Variants in GAGE12J observed in about 807,000 individuals in gnomAD.
The protein encoded by GAGE12J is G antigen 12J, also known as G antigen 11.
A neutral mutation model predicts 8.5 loss-of-function variants in GAGE12J; 5 were observed. The observed-to-expected ratio is 0.59, with a 90% CI of 0.31 to 1.24. The LOEUF (loss-of-function observed/expected upper bound fraction) is 1.24, where lower values mean the gene tolerates loss of function less well. GAGE12J is among the 50% of genes most tolerant of loss of function. The probability of loss-of-function intolerance (pLI) is 0.06; values close to 1 mark genes in which losing one functional copy is unlikely to be tolerated. For synonymous variants in GAGE12J, 10 were observed against 19.2 expected (o/e 0.52, Z 1.25); for missense variants, 26 against 63.0 (o/e 0.41, Z 1.99).
At position 49,328,126 on chromosome X, in the gene GAGE12J, C is replaced by G. The variant is rs1438333384; in HGVS notation, c.332-1145C>G. Among the ~76,000 whole-genome samples, 9 of 75,291 alleles carry G rather than the reference C, an allele frequency of 1.2e-4. 3 individuals are homozygous for G. In the Admixed American group the frequency reaches 1.3e-3, roughly 11 times the overall value. The allele number at this position is 75,291 out of a possible 115,157, so 65.4% of individuals were successfully genotyped here. A position where few individuals can be genotyped will look rare whatever the true frequency, so the allele number is the denominator to read the frequency against. On this transcript the variant is annotated intron_variant, in intron 4 of 4. Coordinates refer to ENST00000442437, the MANE Select transcript of GAGE12J (RefSeq NM_001098406.4). ...ATTTATTTATTTATTTATTGTTATA[C>G]TTTAAGTTTTAGGGTACATGTGCAC...
At chrX:49,322,664 A>AG (rs782653640) in intron 1 of GAGE12J, among the ~76,000 whole-genome samples, 8 of 85,448 alleles carry the variant, frequency 9.4e-5, no homozygotes, top group East Asian at 7.5e-4. Flanking sequence ...ACTTGTTGTG[A>AG]GGGGGGGTGA....
Position 49,323,213 on chromosome X carries a change from C to A in GAGE12J, c.20C>A (p.Ser7Ter), listed in dbSNP as rs782497211. Residue 7 changes from serine to a stop codon, truncating the protein, a stop_gained, in exon 2 of 5, where the codon TCG becomes TAG. Transcript: ENST00000442437. LOFTEE classifies it high-confidence loss of function. ...TGAAATATGAGTTGGCGAGGAAGAT[C>A]GACCTATTATTGGCCTAGACCAAGA... is the stretch of plus-strand genomic sequence containing the variant. MSWRGR[S>*]TYYWPRPRPY... is the part of the protein sequence containing the mutation. 2 of 1,135,658 alleles carry A rather than the reference C, an allele frequency of 1.8e-6. No individual in the cohort carries two copies. The highest frequency in any genetic ancestry group is 1.8e-5 in the African/African-American group (1 of 55,794). 93.6% of individuals were successfully genotyped at this position (1,135,658 alleles called of 1,213,427 possible).
intron 3 of GAGE12J, among the ~76,000 whole-genome samples, chrX:49,325,657 A>G (rs1158520937): frequency 3.8e-5 from 3 of 79,559 alleles, no homozygotes; most frequent in Non-Finnish European, 9.6e-5. Context: ...AGTTTCAGGT[A>G]TTATGGTCCT....
At chrX:49,323,308 C>A (rs782602552) in intron 2 of GAGE12J, 31 bp downstream of exon 2, 2 of 1,114,505 alleles carry the variant, frequency 1.8e-6, no homozygotes, top group African/African-American at 3.6e-5. Flanking sequence ...TCGATGTTTT[C>A]TATTAGTAGA....
intron 3 of GAGE12J, 80 bp downstream of exon 3, chrX:49,323,943 TG>T: frequency 4.4e-6 from 5 of 1,144,148 alleles, no homozygotes; most frequent in Non-Finnish European, 5.9e-6. Context: ...TGTGTGTGTG[TG>T]TGTGTGTGTG....
At chrX:49,325,630 C>G (rs12400515) in intron 3 of GAGE12J, among the ~76,000 whole-genome samples, 37 of 79,778 alleles carry the variant, frequency 4.6e-4, no homozygotes, top group African/African-American at 1.0e-3. Context: ...GTTATTAATG[C>G]TGAATTGTCT....
intron 1 of GAGE12J, among the ~76,000 whole-genome samples, chrX:49,322,351 G>T (rs1471286062): frequency 9.4e-6 from 1 of 106,817 alleles, no homozygotes; most frequent in African/African-American, 3.3e-5. Flanking sequence ...GGTGGGCCGT[G>T]GAGGGGAGGC....
intron 4 of GAGE12J, among the ~76,000 whole-genome samples, chrX:49,327,682 C>T (rs1488247983): frequency 7.7e-4 from 1 of 1,291 alleles, no homozygotes; most frequent in African/African-American, 9.2e-4. Context: ...AATCATGAAA[C>T]CCTGGCCCGA....
In GAGE12J at chrX:49,322,515, G is replaced by C. The variant is rs1394651371; in HGVS notation, c.-9+371G>C. Among the ~76,000 whole-genome samples the C allele has an allele frequency of 2.9e-5, 3 of 102,930 alleles. No individual in the cohort carries two copies. The East Asian group carries it at 9.0e-4, about 31-fold the overall frequency. 89.4% of individuals were successfully genotyped at this position (102,930 alleles called of 115,157 possible). Reference sequence around the variant, plus strand: ...GAAGAAGGGGCCTGGCACCTGGGAAGGCTGCGGCCTGGTGAGCGCCCCCCC... The same window carrying C: ...GAAGAAGGGGCCTGGCACCTGGGAACGCTGCGGCCTGGTGAGCGCCCCCCC... On this transcript the variant is annotated intron_variant, in intron 1 of 4. Transcript: ENST00000442437.
chrX:49,328,356 T>C (rs2066452603), intron 4 of GAGE12J, among the ~76,000 whole-genome samples: 5 of 54,581 alleles, frequency 9.2e-5, no homozygotes, highest in Admixed American at 2.5e-4. Flanking sequence ...GAATATGCGG[T>C]GTTTGGTTTT....
chrX:49,325,453 CAT>C (rs2066440905), intron 3 of GAGE12J, among the ~76,000 whole-genome samples: 2 of 104,371 alleles, frequency 1.9e-5, no homozygotes, highest in Non-Finnish European at 4.1e-5. Flanking sequence ...ATCTTCAAGA[CAT>C]AGCATTCATA....
intron 1 of GAGE12J, among the ~76,000 whole-genome samples, chrX:49,322,504 G>A (rs1286101904): frequency 9.6e-6 from 1 of 104,175 alleles, no homozygotes; most frequent in African/African-American, 3.3e-5. Flanking sequence ...AAGGGGCCTG[G>A]CACCTGGGAA....
intron 4 of GAGE12J, among the ~76,000 whole-genome samples, chrX:49,328,468 T>C (rs2066453116): frequency 1.2e-5 from 1 of 81,265 alleles, no homozygotes; most frequent in African/African-American, 3.7e-5. Flanking sequence ...TAGTATTCCA[T>C]GGTGTATATG....
At chrX:49,322,565 T>G (rs4239986) in intron 1 of GAGE12J, among the ~76,000 whole-genome samples, 3 of 88,454 alleles carry the variant, frequency 3.4e-5, no homozygotes, top group Non-Finnish European at 5.1e-5. Context: ...GCGGAGCGCC[T>G]GAGTGAGAAG....
intron 1 of GAGE12J, 102 bp from the exon 2 acceptor site, chrX:49,323,084 A>G: frequency 1.1e-6 from 1 of 897,812 alleles, no homozygotes; most frequent in East Asian, 3.2e-5. Context: ...TCTTGAGAGT[A>G]TTTTCAAAAG....
chrX:49,323,313 A>G, intron 2 of GAGE12J, 36 bp downstream of exon 2: 2 of 1,105,030 alleles, frequency 1.8e-6, no homozygotes, highest in Non-Finnish European at 2.5e-6. Context: ...GTTTTCTATT[A>G]GTAGAAATTA....
At chrX:49,323,334 T>C in intron 2 of GAGE12J, 57 bp downstream of exon 2, 1 of 1,010,374 alleles carries the variant, frequency 9.9e-7, no homozygotes, top group Non-Finnish European at 1.4e-6. Context: ...ATTTTTGTGA[T>C]AGCGTTGTTG....
Position 49,323,168 on chromosome X carries a change from A to C in GAGE12J, c.-8-18A>C. 9.0e-7 allele frequency: 1 copy of C among 1,108,844 alleles called. No homozygotes were observed. The highest frequency in any genetic ancestry group is 3.4e-4 in the Middle Eastern group (1 of 2,929). 91.4% of individuals were successfully genotyped at this position (1,108,844 alleles called of 1,213,427 possible). A position where few individuals can be genotyped will look rare whatever the true frequency, so the allele number is the denominator to read the frequency against. On this transcript the variant is annotated intron_variant, in intron 1 of 4. Transcript: ENST00000442437. ...CCCTGTGGAGCGCACGTTCCCAATCACGGTTGTCTGTTTTCAGTGTGAAAT... is the reference window on the plus strand; with the variant it reads ...CCCTGTGGAGCGCACGTTCCCAATCCCGGTTGTCTGTTTTCAGTGTGAAAT...
chrX:49,323,064 C>G (rs1385730813), intron 1 of GAGE12J, 122 bp from the exon 2 acceptor site: 1 of 799,195 alleles, frequency 1.3e-6, no homozygotes, highest in Admixed American at 2.3e-5. Context: ...ATGCTTAACT[C>G]TGGGACTTAT....
Sources: gnomAD v4.1 joint callset for allele counts (sites outside exome capture counted in the v4.1 genomes callset) on GRCh38, gnomAD v4.1.1 for gene constraint, MANE v1.5 for transcripts, NCBI Gene and HGNC (gene_info 2026-07-23, HGNC 2026-07-21) for gene names.